MAGI2: variants seen among roughly 807,000 people sequenced by gnomAD.
MAGI2 encodes the protein membrane associated guanylate kinase, WW and PDZ domain containing 2.
In MAGI2, 35 loss-of-function variants were observed where a neutral mutation model predicts 133.3. The observed-to-expected ratio is 0.26, with a 90% CI of 0.20 to 0.35. The LOEUF (loss-of-function observed/expected upper bound fraction) is 0.35. Among genes scored for constraint, MAGI2 ranks in the 10% least tolerant of loss-of-function variants. The pLI is 1.00. For synonymous variants in MAGI2, 729 were observed against 710.6 expected, an observed-to-expected ratio of 1.03 and a Z score of -0.41; for missense variants, 1,636 against 1,863.4, an observed-to-expected ratio of 0.88 and a Z score of 2.25.
intron 1 of MAGI2, among the ~76,000 whole-genome samples, chr7:79,423,348 G>T (rs981128260): frequency 1.3e-5 from 2 of 151,878 alleles, no homozygotes; most frequent in Non-Finnish European, 2.9e-5. Flanking sequence ...TCAGCAATTT[G>T]CCCCAGATCC....
At chr7:79,215,142 C>G (rs1014740021) in intron 1 of MAGI2, among the ~76,000 whole-genome samples, 1 of 151,730 alleles carries the variant, frequency 6.6e-6, no homozygotes, top group African/African-American at 2.4e-5. Context: ...ATACCCACCT[C>G]CCTTTGGAAT....
intron 1 of MAGI2, among the ~76,000 whole-genome samples, chr7:79,042,254 T>C (rs1344789560): frequency 6.6e-6 from 1 of 152,178 alleles, no homozygotes; most frequent in Non-Finnish European, 1.5e-5. Context: ...AACATTCTTG[T>C]TAAATTATAA....
intron 1 of MAGI2, among the ~76,000 whole-genome samples, chr7:79,227,355 T>C (rs13237396): frequency 0.61 from 91,815 of 151,720 alleles, 29,066 homozygotes; most frequent in Non-Finnish European, 0.69. Context: ...ACTCTCAATA[T>C]ATTCCATGGC....
chr7:79,148,755 TG>T (rs892210075), intron 1 of MAGI2, among the ~76,000 whole-genome samples: 3 of 151,766 alleles, frequency 2.0e-5, no homozygotes, highest in African/African-American at 7.3e-5. Context: ...TTTCTTGAAT[TG>T]GTTACAAAGC....
chr7:78,048,665 A>G (rs1248412959), intron 21 of MAGI2, among the ~76,000 whole-genome samples: 1 of 152,076 alleles, frequency 6.6e-6, no homozygotes, highest in Admixed American at 6.5e-5. Flanking sequence ...CTTTCACTTC[A>G]TACTGTTTTT....
intron 2 of MAGI2, among the ~76,000 whole-genome samples, chr7:78,870,765 C>T (rs1205318972): frequency 6.6e-6 from 1 of 152,064 alleles, no homozygotes; most frequent in East Asian, 1.9e-4. Flanking sequence ...TTTAGCAGCA[C>T]AATTCACAAT....
At chr7:79,172,682 T>C (rs941081007) in intron 1 of MAGI2, among the ~76,000 whole-genome samples, 9 of 152,072 alleles carry the variant, frequency 5.9e-5, no homozygotes, top group Non-Finnish European at 1.2e-4. Context: ...TTAAAGAATA[T>C]ATACCTGTAA....
At chr7:78,728,206 A>C (rs894764324) in intron 2 of MAGI2, among the ~76,000 whole-genome samples, 2 of 152,142 alleles carry the variant, frequency 1.3e-5, no homozygotes, top group African/African-American at 2.4e-5. Context: ...GGGTGATGAT[A>C]ACTGAGATAT....
intron 2 of MAGI2, among the ~76,000 whole-genome samples, chr7:79,002,227 G>T (rs1282330560): frequency 6.6e-6 from 1 of 151,044 alleles, no homozygotes; most frequent in Non-Finnish European, 1.5e-5. Context: ...GACTTCCCGA[G>T]CTCAAGTGAT....
rs572231102 is a variant in MAGI2, at chr7:78,492,440, A to G, written c.966-2600T>C. ...ACAGTATTTTTCAATAGTGGTTCTCACCAGCCTTGTAATTTGCATGCTCCT... is the reference window on the plus strand; with the variant it reads ...ACAGTATTTTTCAATAGTGGTTCTCGCCAGCCTTGTAATTTGCATGCTCCT... On this transcript the variant is annotated intron_variant, in intron 5 of 21. Coordinates refer to ENST00000354212, the MANE Select transcript of MAGI2 (RefSeq NM_012301.4). Among the ~76,000 whole-genome samples, 48 of 152,254 alleles carry G rather than the reference A, an allele frequency of 3.2e-4. 1 individual carries two copies. Among genetic ancestry groups the G allele is most frequent in the Admixed American group, 1.3e-3 (20 of 15,270 alleles).
At chr7:78,154,646 C>T (rs548181730) in intron 16 of MAGI2, among the ~76,000 whole-genome samples, 2 of 152,130 alleles carry the variant, frequency 1.3e-5, no homozygotes, top group South Asian at 4.2e-4. Context: ...GTGTGTCTAC[C>T]TCATATATTC....
At chr7:78,263,366 T>A (rs1370469676) in intron 9 of MAGI2, among the ~76,000 whole-genome samples, 2 of 152,120 alleles carry the variant, frequency 1.3e-5, no homozygotes, top group African/African-American at 4.8e-5. Context: ...TTTCAACTGG[T>A]TCCTTGCTTT....
chr7:79,430,638 C>T (rs754489156), intron 1 of MAGI2, among the ~76,000 whole-genome samples: 3 of 152,178 alleles, frequency 2.0e-5, no homozygotes, highest in Admixed American at 6.5e-5. Context: ...CCAAAACCAC[C>T]GCAGATATGT....
At chr7:78,374,560 C>A (rs1186222765) in intron 6 of MAGI2, among the ~76,000 whole-genome samples, 1 of 151,934 alleles carries the variant, frequency 6.6e-6, no homozygotes, top group African/African-American at 2.4e-5. Flanking sequence ...TTTAGTTTAA[C>A]TGGGTCCCAC....
intron 2 of MAGI2, among the ~76,000 whole-genome samples, chr7:78,920,299 CAG>C: frequency 6.6e-6 from 1 of 152,160 alleles, no homozygotes; most frequent in East Asian, 1.9e-4. Context: ...AAAATAATAA[CAG>C]AGAGTGATTG....
intron 1 of MAGI2, among the ~76,000 whole-genome samples, chr7:79,109,912 C>T (rs77853855): frequency 0.012 from 1,843 of 151,944 alleles, 38 homozygotes; most frequent in African/African-American, 0.042. Flanking sequence ...AGGTCCAGGA[C>T]GATTGATTGG....
intron 6 of MAGI2, among the ~76,000 whole-genome samples, chr7:78,415,654 C>T (rs1016087939): frequency 6.6e-6 from 1 of 152,026 alleles, no homozygotes; most frequent in Non-Finnish European, 1.5e-5. Context: ...TCCCCAAGCA[C>T]CACCAGGCAC....
intron 6 of MAGI2, among the ~76,000 whole-genome samples, chr7:78,450,672 T>C (rs1054120144): frequency 6.6e-6 from 1 of 152,060 alleles, no homozygotes; most frequent in Non-Finnish European, 1.5e-5. Flanking sequence ...TCTTGCACTT[T>C]TTGTCACTTT....
intron 2 of MAGI2, among the ~76,000 whole-genome samples, chr7:78,778,816 A>G (rs969590190): frequency 6.6e-6 from 1 of 151,864 alleles, no homozygotes; most frequent in Non-Finnish European, 1.5e-5. Flanking sequence ...TCTCAGGTAT[A>G]TTGTGAAAAA....
Sources: allele counts gnomAD v4.1 joint callset (sites outside exome capture counted in the v4.1 genomes callset), GRCh38; gene constraint gnomAD v4.1.1; transcripts MANE v1.5; gene names NCBI Gene and HGNC (gene_info 2026-07-23, HGNC 2026-07-21).